CMTR1: variants seen among roughly 807,000 people sequenced by gnomAD.
CMTR1 encodes the protein cap-specific mRNA (nucleoside-2'-O-)-methyltransferase 1.
In CMTR1, 39 loss-of-function variants were observed where a neutral mutation model predicts 107.0. The observed-to-expected ratio is 0.36, with a 90% CI of 0.28 to 0.48. The LOEUF (loss-of-function observed/expected upper bound fraction) is 0.48. Ranked by LOEUF, CMTR1 falls within the 20% of genes least tolerant of loss-of-function variation. CMTR1 has a pLI of 0.99. For synonymous variants in CMTR1, 366 were observed against 379.5 expected, an observed-to-expected ratio of 0.96 and a Z score of 0.41; for missense variants, 672 against 1,064.9, an observed-to-expected ratio of 0.63 and a Z score of 5.14.
At chr6:37,470,687 T>C (rs1761605733) in intron 13 of CMTR1, among the ~76,000 whole-genome samples, 2 of 152,226 alleles carry the variant, frequency 1.3e-5, no homozygotes. Context: ...TTAGTATACA[T>C]AGGTCGAGTA....
chr6:37,466,106 CA>C (rs1761504580), intron 13 of CMTR1, among the ~76,000 whole-genome samples: 1 of 138,138 alleles, frequency 7.2e-6, no homozygotes, highest in African/African-American at 2.9e-5. Context: ...AAGAGTTTTA[CA>C]GTTTTTGTTT....
chr6:37,444,209 A>G (rs977010737), intron 3 of CMTR1, 59 bp downstream of exon 3: 47 of 1,563,914 alleles, frequency 3.0e-5, no homozygotes, highest in Middle Eastern at 3.4e-4. Context: ...AAGAAGGGCA[A>G]TTTGTATTTG....
At position 37,474,662 on chromosome 6, in the gene CMTR1, G is replaced by C. The variant is rs1761700819; in HGVS notation, c.1944+16G>C. 2.5e-6 allele frequency: 4 copies of C among 1,612,818 alleles called. No homozygotes were observed. Among genetic ancestry groups the C allele is most frequent in the Non-Finnish European group, 3.4e-6 (4 of 1,179,266 alleles). ...GAAAGGGGAGGTCAGAGATGGTTCTGCTCAGGTGTTGGCCCTGCAGCTAGG... is the reference window on the plus strand; with the variant it reads ...GAAAGGGGAGGTCAGAGATGGTTCTCCTCAGGTGTTGGCCCTGCAGCTAGG... On this transcript the variant is annotated intron_variant, in intron 18 of 23. Coordinates refer to ENST00000373451, the MANE Select transcript of CMTR1 (RefSeq NM_015050.3).
At chr6:37,428,885 TG>T (rs377664459), upstream of CMTR1, among the ~76,000 whole-genome samples, 1,279 of 152,374 alleles carry the variant, frequency 8.4e-3, 15 homozygotes, top group African/African-American at 0.028. Flanking sequence ...TGGATTTCTT[TG>T]GGCATTTACT....
chr6:37,456,590 C>T (rs557677253), intron 8 of CMTR1, among the ~76,000 whole-genome samples: 2 of 152,302 alleles, frequency 1.3e-5, no homozygotes, highest in African/African-American at 4.8e-5. Context: ...TCCCCTAAAG[C>T]TTTCTGATCG....
chr6:37,455,016 A>T (rs1008861883), intron 8 of CMTR1, among the ~76,000 whole-genome samples: 2 of 152,038 alleles, frequency 1.3e-5, no homozygotes, highest in African/African-American at 4.8e-5. Flanking sequence ...GACTAAGAGC[A>T]GGAGAATTTG....
chr6:37,436,392 C>T (rs1027459580), intron 2 of CMTR1: 17 of 152,310 alleles, frequency 1.1e-4, no homozygotes, highest in Admixed American at 1.1e-3. Context: ...GGTAAATTTG[C>T]ATTTACCTTG....
chr6:37,471,897 T>C lies in CMTR1; in HGVS notation c.1613T>C (p.Leu538Pro). Reference sequence around the variant, plus strand: ...GAGATACGGAAGGAGTGCCTCCGACTCTGGGGGGTGAGTATCTCCCCCGCC... The same window carrying C: ...GAGATACGGAAGGAGTGCCTCCGACCCTGGGGGGTGAGTATCTCCCCCGCC... ...QAEIRKECLR[L>P]WGIPDQARVA... Residue 538 changes from leucine to proline, a missense_variant, in exon 15 of 24, where the codon CTC becomes CCC. Leu to Pro is a moderately conservative substitution (Grantham distance 98). This residue lies in a region of CMTR1 where 583 missense variants were observed against 968.4 expected (regional missense o/e 0.60). Coordinates refer to ENST00000373451, the MANE Select transcript of CMTR1 (RefSeq NM_015050.3). 1 of 1,613,382 alleles carries C rather than the reference T, an allele frequency of 6.2e-7. No individual in the cohort carries two copies.
chr6:37,453,098 G>A lies in CMTR1; in HGVS notation c.661G>A (p.Ala221Thr), dbSNP rs1333760101. 1 of 1,614,020 alleles carries A rather than the reference G, an allele frequency of 6.2e-7. No individual in the cohort carries two copies. Residue 221 changes from alanine (A) to threonine (T), a missense_variant, in exon 7 of 24, where the codon GCC becomes ACC. Coordinates refer to ENST00000373451, the MANE Select transcript of CMTR1 (RefSeq NM_015050.3). ...AGAGATGCGGCGAGCTCGGACTCGGGCCAATCCCTATGAGATGATCCGAGG... is the reference window on the plus strand; with the variant it reads ...AGAGATGCGGCGAGCTCGGACTCGGACCAATCCCTATGAGATGATCCGAGG... ...GEEMRRARTR[A>T]NPYEMIRGVF...
chr6:37,473,500 C>T lies in CMTR1; in HGVS notation c.1720C>T (p.Pro574Ser). 6.2e-7 allele frequency: 1 copy of T among 1,614,032 alleles called. No individual in the cohort carries two copies. ...TGAGATTGACATCTTCAGCTACAAGCCCACACTGCTCACCTCTAAAACCCT... is the reference window on the plus strand; with the variant it reads ...TGAGATTGACATCTTCAGCTACAAGTCCACACTGCTCACCTCTAAAACCCT... ...GTEIDIFSYK[P>S]TLLTSKTLEK... The change falls in exon 17 of 24, where the codon CCC becomes TCC. Residue 574 changes from proline to serine, a missense_variant. Around this residue, in one of 2 missense-constraint regions of CMTR1, gnomAD observed 583 missense variants for 968.4 expected, o/e 0.60. Transcript: ENST00000373451.
chr6:37,473,238 TG>T (rs1435689328), intron 16 of CMTR1, among the ~76,000 whole-genome samples: 2 of 152,116 alleles, frequency 1.3e-5, no homozygotes, highest in Non-Finnish European at 2.9e-5. Flanking sequence ...GGGGACTCAG[TG>T]TTCTTTCCTT....
intron 21 of CMTR1, 152 bp downstream of exon 21, chr6:37,477,791 A>G: frequency 7.0e-6 from 5 of 719,360 alleles, no homozygotes; most frequent in Non-Finnish European, 1.0e-5. Flanking sequence ...TCGCTGCAGC[A>G]CTGCTTGCAG....
chr6:37,475,559 C>G, intron 19 of CMTR1, 147 bp downstream of exon 19: 5 of 682,224 alleles, frequency 7.3e-6, no homozygotes, highest in Non-Finnish European at 2.5e-6. Flanking sequence ...ACTGACTGGT[C>G]CCAAAGTCAG....
chr6:37,465,007 C>G (rs886359684), intron 13 of CMTR1, among the ~76,000 whole-genome samples: 15 of 150,784 alleles, frequency 9.9e-5, no homozygotes, highest in Non-Finnish European at 1.8e-4. Flanking sequence ...CGGTGGCTCA[C>G]GCCTGTAATC....
intron 3 of CMTR1, among the ~76,000 whole-genome samples, chr6:37,444,968 G>T (rs1051268642): frequency 5.9e-5 from 9 of 152,200 alleles, no homozygotes; most frequent in African/African-American, 2.2e-4. Flanking sequence ...GGAGCTTGCA[G>T]TGAGCTGAGA....
chr6:37,472,525 G>A lies in CMTR1; in HGVS notation c.1689+38G>A. ...TCTGTGGTGGACATAAAAAGTTAGA[G>A]ATCTGTCTCTAGATGTGGATGGTAT... On this transcript the variant is annotated intron_variant, in intron 16 of 23. Transcript: ENST00000373451. This position sits in a 1 kb window ranked among gnomAD's most constrained non-coding sequence, Gnocchi z 4.1. 1 of 1,592,780 alleles carries A rather than the reference G, an allele frequency of 6.3e-7. No individual in the cohort carries two copies. The highest frequency in any genetic ancestry group is 8.6e-7 in the Non-Finnish European group (1 of 1,160,748).
rs1436317151 is a variant in CMTR1, at chr6:37,473,481, T to C, written c.1701T>C (p.Ile567=). 5.6e-6 allele frequency: 9 copies of C among 1,613,720 alleles called. No individual in the cohort carries two copies. In the East Asian group the frequency reaches 1.6e-4, roughly 28 times the overall value. The part of the protein sequence containing the change: ...KFFELIQGTE[I]DIFSYKPTLL... ...ACTCGTGGCTGCAGGGCACTGAGAT[T>C]GACATCTTCAGCTACAAGCCCACAC... is the stretch of plus-strand genomic sequence containing the variant. The change falls in exon 17 of 24, where the codon ATT becomes ATC. Residue 567 remains isoleucine, a synonymous_variant. Coordinates refer to ENST00000373451, the MANE Select transcript of CMTR1 (RefSeq NM_015050.3).
Position 37,480,013 on chromosome 6 carries a change from C to T in CMTR1, c.2376C>T (p.His792=). The part of the protein sequence containing the change: ...DLPADSIAPF[H]ICYYGRLFWE... Reference sequence around the variant, plus strand: ...TCTTTCCCATCCCTCTCCTCCCCAGCATTTGCTACTATGGCCGGCTCTTCT... The same window carrying T: ...TCTTTCCCATCCCTCTCCTCCCCAGTATTTGCTACTATGGCCGGCTCTTCT... Residue 792 remains histidine (H), a splice_region_variant and synonymous_variant, in exon 24 of 24, where the codon CAC becomes CAT. Coordinates refer to ENST00000373451, the MANE Select transcript of CMTR1 (RefSeq NM_015050.3). 1 of 1,572,848 alleles carries T rather than the reference C, an allele frequency of 6.4e-7. No individual in the cohort carries two copies. The highest frequency in any genetic ancestry group is 1.2e-5 in the South Asian group (1 of 84,058).
the CMTR1 span, among the ~76,000 whole-genome samples, chr6:37,425,299 C>T: frequency 1.4e-5 from 2 of 139,778 alleles, no homozygotes; most frequent in East Asian, 2.1e-4. Flanking sequence ...TAAATTCTTT[C>T]TTTTTTTTTT....
Sources: gnomAD v4.1 joint callset for allele counts (sites outside exome capture counted in the v4.1 genomes callset) on GRCh38, gnomAD v4.1.1 for gene constraint, gnomAD v4.1.1 regional missense constraint, Gnocchi (gnomAD v3.1) non-coding constraint, MANE v1.5 for transcripts, NCBI Gene and HGNC (gene_info 2026-07-23, HGNC 2026-07-21) for gene names.